The following GLCCI1 variants were observed in gnomAD, a reference collection of about 807,000 sequenced individuals.
GLCCI1 encodes glucocorticoid induced 1.
A neutral mutation model predicts 52.2 loss-of-function variants in GLCCI1; 24 were observed. The ratio of observed to expected loss-of-function variants is 0.46; its 90% CI spans 0.33 to 0.65. GLCCI1 has a LOEUF of 0.65. Among genes scored for constraint, GLCCI1 ranks in the 30% least tolerant of loss-of-function variants. The pLI is 0.02. For synonymous variants in GLCCI1, 310 were observed against 276.5 expected, an observed-to-expected ratio of 1.12 and a Z score of -1.20; for missense variants, 704 against 701.5, an observed-to-expected ratio of 1.00 and a Z score of -0.04.
chr7:8,084,904 G>C lies in GLCCI1; in HGVS notation c.1185G>C (p.Gly395=). Residue 395 remains glycine (G), a synonymous_variant, in exon 7 of 8, where the codon GGG becomes GGC. Transcript: ENST00000223145. ...ACTGCTTTAAATTTACAGACAGTGGGAGTAGCTCACCGTTACCCAAGTATG... is the reference window on the plus strand; with the variant it reads ...ACTGCTTTAAATTTACAGACAGTGGCAGTAGCTCACCGTTACCCAAGTATG... ...DLLYDRDKDS[G]SSSPLPKYAS... 6.2e-7 allele frequency: 1 copy of C among 1,613,840 alleles called. No individual in the cohort carries two copies. Among genetic ancestry groups the C allele is most frequent in the East Asian group, 2.2e-5 (1 of 44,870 alleles).
chr7:8,003,686 G>C (rs536251527), intron 1 of GLCCI1, among the ~76,000 whole-genome samples: 1 of 152,094 alleles, frequency 6.6e-6, no homozygotes, highest in African/African-American at 2.4e-5. Context: ...AGGCTTCATA[G>C]GGTCTGTGGG....
Position 8,030,772 on chromosome 7 carries a change from G to A in GLCCI1, c.696+8203G>A, listed in dbSNP as rs189981175. Among the ~76,000 whole-genome samples the A allele has an allele frequency of 3.9e-5, 6 of 152,170 alleles. No homozygotes were observed. In the South Asian group the frequency reaches 6.2e-4, roughly 16 times the overall value. On this transcript the variant is annotated intron_variant, in intron 3 of 7. Transcript: ENST00000223145. ...AAGAAGACATAGACGTGGAAAACAG[G>A]CATACGAAAAGGTGCTCAGCATCAT...
At chr7:8,084,601 A>G (rs1038076780) in intron 6 of GLCCI1, 12 of 228,824 alleles carry the variant, frequency 5.2e-5, no homozygotes, top group African/African-American at 2.5e-4. Flanking sequence ...CATTCTTGAA[A>G]TACGTAATAA....
chr7:8,040,352 G>A (rs1296616418), intron 3 of GLCCI1, among the ~76,000 whole-genome samples: 1 of 151,980 alleles, frequency 6.6e-6, no homozygotes, highest in Non-Finnish European at 1.5e-5. Flanking sequence ...TGGGCATGGT[G>A]GTGTGTGCCT....
intron 4 of GLCCI1, among the ~76,000 whole-genome samples, chr7:8,056,432 A>G (rs1782399065): frequency 6.6e-6 from 1 of 152,168 alleles, no homozygotes; most frequent in Non-Finnish European, 1.5e-5. Flanking sequence ...TCTTCCTAAC[A>G]GTTCCTTTAC....
chr7:8,059,087 T>G (rs1782460513), intron 4 of GLCCI1, among the ~76,000 whole-genome samples: 1 of 152,312 alleles, frequency 6.6e-6, no homozygotes, highest in Non-Finnish European at 1.5e-5. Flanking sequence ...AGGTTGGTTT[T>G]GCTGTCTCAG....
At position 7,982,107 on chromosome 7, in the gene GLCCI1, G is replaced by A. The variant is rs1216772101; in HGVS notation, c.457+12300G>A. On this transcript the variant is annotated intron_variant, in intron 1 of 7. Transcript: ENST00000223145. Reference sequence around the variant, plus strand: ...CGTAGCTGATCGCAAGAGAGGAATGGCCATTATAGTAATAGTCACAAATCC... The same window carrying A: ...CGTAGCTGATCGCAAGAGAGGAATGACCATTATAGTAATAGTCACAAATCC... 5 of 435,418 alleles carry A rather than the reference G, an allele frequency of 1.1e-5. No individual in the cohort carries two copies. In the East Asian group the frequency reaches 3.3e-4, roughly 29 times the overall value. 27.0% of individuals were successfully genotyped at this position (435,418 alleles called of 1,614,324 possible).
chr7:7,989,298 T>C (rs1780794959), intron 1 of GLCCI1, among the ~76,000 whole-genome samples: 1 of 152,194 alleles, frequency 6.6e-6, no homozygotes, highest in African/African-American at 2.4e-5. Flanking sequence ...CTCTCTTTCC[T>C]TATCTAATCT....
At chr7:8,043,885 A>G (rs548489081) in intron 3 of GLCCI1, among the ~76,000 whole-genome samples, 33 of 152,246 alleles carry the variant, frequency 2.2e-4, no homozygotes, top group African/African-American at 7.5e-4. Context: ...GTTGTAATAG[A>G]TGTCAAGAAT....
At chr7:8,036,076 C>CT (rs1320849185) in intron 3 of GLCCI1, among the ~76,000 whole-genome samples, 1 of 152,198 alleles carries the variant, frequency 6.6e-6, no homozygotes, top group Non-Finnish European at 1.5e-5. Flanking sequence ...TCTGCTTCTG[C>CT]TGTAGCTGGC....
intron 5 of GLCCI1, among the ~76,000 whole-genome samples, chr7:8,063,705 A>T (rs900426208): frequency 1.4e-5 from 2 of 143,142 alleles, no homozygotes; most frequent in African/African-American, 5.1e-5. Context: ...TGTGGCCTCA[A>T]TCCCTCAGGC....
In GLCCI1 at chr7:8,024,449, T is replaced by A. The variant is rs142862560; in HGVS notation, c.696+1880T>A. 2.2e-3 allele frequency among the ~76,000 whole-genome samples: 333 copies of A among 152,320 alleles called. 2 individuals carry two copies. Among genetic ancestry groups the A allele is most frequent in the African/African-American group, 7.6e-3 (316 of 41,584 alleles). On this transcript the variant is annotated intron_variant, in intron 3 of 7. Coordinates refer to ENST00000223145, the MANE Select transcript of GLCCI1 (RefSeq NM_138426.4). ...GCATATGAATAACAAAAAAGTGAAC[T>A]TGTATTTTTATCTCAGAGTTGAATA...
chr7:7,969,648 G>T lies in GLCCI1; in HGVS notation c.298G>T (p.Ala100Ser). 9.9e-7 allele frequency: 1 copy of T among 1,012,364 alleles called. No homozygotes were observed. The highest frequency in any genetic ancestry group is 5.0e-4 in the Middle Eastern group (1 of 2,012). 62.7% of individuals were successfully genotyped at this position (1,012,364 alleles called of 1,614,324 possible). A position where few individuals can be genotyped will look rare whatever the true frequency, so the allele number is the denominator to read the frequency against. The change falls in exon 1 of 8, where the codon GCG (alanine) becomes TCG (serine). Residue 100 changes from alanine (A) to serine (S), a missense_variant. Coordinates refer to ENST00000223145, the MANE Select transcript of GLCCI1 (RefSeq NM_138426.4). This position sits in a 1 kb window ranked among gnomAD's most constrained non-coding sequence, Gnocchi z 4.9. The stretch of plus-strand genomic sequence containing the variant: ...GCTGGGCAGCCTCCCGGGGCCCGGC[G>T]CGGCCCGCGGCCCCAGCCCGTCCAG... ...ASLGSLPGPG[A>S]ARGPSPSSPT...
At position 8,004,091 on chromosome 7, in the gene GLCCI1, C is replaced by T. The variant is rs146870137; in HGVS notation, c.609+32C>T. 60 of 1,581,560 alleles carry T rather than the reference C, an allele frequency of 3.8e-5. No individual in the cohort carries two copies. The African/African-American group carries it at 6.9e-4, about 18-fold the overall frequency. On this transcript the variant is annotated intron_variant, in intron 2 of 7. Coordinates refer to ENST00000223145, the MANE Select transcript of GLCCI1 (RefSeq NM_138426.4). ...TCAGGAAATCAAAATCAGCTTATTA[C>T]CCTGCACTTCTTCTGTTTTGATCAC...
intron 2 of GLCCI1, among the ~76,000 whole-genome samples, chr7:8,013,479 T>C (rs1432362256): frequency 1.3e-5 from 2 of 152,166 alleles, no homozygotes; most frequent in Admixed American, 6.5e-5. Flanking sequence ...TTTGTATTGC[T>C]TAGTAATTCA....
intron 3 of GLCCI1, among the ~76,000 whole-genome samples, chr7:8,049,981 T>C (rs1782221506): frequency 6.6e-6 from 1 of 152,214 alleles, no homozygotes; most frequent in African/African-American, 2.4e-5. Flanking sequence ...ACAAATATGG[T>C]TTATTAATAG....
chr7:8,070,479 G>GAACA (rs1176214669), intron 5 of GLCCI1: 1 of 156,422 alleles, frequency 6.4e-6, no homozygotes, highest in Non-Finnish European at 1.4e-5. Flanking sequence ...AGGAAGGAAT[G>GAACA]AACAAACAGA....
intron 5 of GLCCI1, among the ~76,000 whole-genome samples, chr7:8,064,881 G>T (rs944211952): frequency 6.6e-6 from 1 of 151,636 alleles, no homozygotes; most frequent in Non-Finnish European, 1.5e-5. Context: ...CGAATTTTTT[G>T]GTTTTTTTTG....
At chr7:7,974,528 C>T (rs563950901) in intron 1 of GLCCI1, among the ~76,000 whole-genome samples, 37 of 152,134 alleles carry the variant, frequency 2.4e-4, no homozygotes, top group Admixed American at 9.2e-4. Flanking sequence ...AGGATAATGG[C>T]GTCCTTGTGA....
Sources: gnomAD v4.1 joint callset for allele counts (sites outside exome capture counted in the v4.1 genomes callset) on GRCh38, gnomAD v4.1.1 for gene constraint, Gnocchi (gnomAD v3.1) non-coding constraint, MANE v1.5 for transcripts, NCBI Gene and HGNC (gene_info 2026-07-23, HGNC 2026-07-21) for gene names.